Variants in KCNN3 observed in about 807,000 individuals in gnomAD.
KCNN3 encodes potassium calcium-activated channel subfamily N member 3.
Under a neutral mutation model 62.9 loss-of-function variants are expected in KCNN3, and 16 were observed. The observed-to-expected ratio is 0.25, with a 90% confidence interval of 0.17 to 0.39. The LOEUF (loss-of-function observed/expected upper bound fraction) is 0.39, where lower values mean the gene tolerates loss of function less well. Among genes scored for constraint, KCNN3 ranks in the 10% least tolerant of loss-of-function variants. The pLI is 1.00. For missense variants in KCNN3, 599 were observed against 949.4 expected (o/e 0.63, Z 4.85); for synonymous variants, 370 against 389.2 (o/e 0.95, Z 0.58).
Position 154,851,026 on chromosome 1 carries a change from G to A in KCNN3, c.933+18006C>T, listed in dbSNP as rs971548991. Among the ~76,000 whole-genome samples, 18 of 152,172 alleles carry A rather than the reference G, an allele frequency of 1.2e-4. 1 individual carries two copies. Among genetic ancestry groups the A allele is most frequent in the Middle Eastern group, 6.3e-3 (2 of 316 alleles). ...AGAGTCTCGCTCTGTCACCCAGGCT[G>A]GAGTGCAATGGCACTATCTCGGCTC... On this transcript the variant is annotated intron_variant, in intron 1 of 7. Transcript: ENST00000271915.
chr1:154,857,590 T>G (rs111877028), intron 1 of KCNN3, among the ~76,000 whole-genome samples: 1 of 152,152 alleles, frequency 6.6e-6, no homozygotes, highest in Non-Finnish European at 1.5e-5. Context: ...GAGCCCAGTC[T>G]AGGATCTGAT....
chr1:154,819,175 G>C (rs2101891803), intron 2 of KCNN3, among the ~76,000 whole-genome samples: 1 of 152,296 alleles, frequency 6.6e-6, no homozygotes, highest in Middle Eastern at 3.4e-3. Flanking sequence ...AGTCACACTT[G>C]GGATAACTCC....
intron 1 of KCNN3, among the ~76,000 whole-genome samples, chr1:154,838,066 G>A (rs1247996007): frequency 2.6e-5 from 4 of 152,194 alleles, no homozygotes. Context: ...ACCAGCTGCT[G>A]ACCACGGTGG....
chr1:154,798,059 T>G (rs1295255710), intron 2 of KCNN3, among the ~76,000 whole-genome samples: 1 of 152,284 alleles, frequency 6.6e-6, no homozygotes, highest in East Asian at 1.9e-4. Context: ...TTCAGCTCCA[T>G]GACTGCCATA....
At chr1:154,859,893 A>T (rs1410830476) in intron 1 of KCNN3, 4 of 1,441,860 alleles carry the variant, frequency 2.8e-6, no homozygotes, top group Non-Finnish European at 3.7e-6. Context: ...AATGCCCAAC[A>T]AGCTGACTCA....
intron 2 of KCNN3, among the ~76,000 whole-genome samples, chr1:154,796,522 T>G (rs1649740690): frequency 6.6e-6 from 1 of 152,134 alleles, no homozygotes; most frequent in Non-Finnish European, 1.5e-5. Flanking sequence ...CATTTTTTAT[T>G]GGGTAAAAAA....
intron 2 of KCNN3, among the ~76,000 whole-genome samples, chr1:154,784,616 C>T (rs1649197751): frequency 6.6e-6 from 1 of 152,200 alleles, no homozygotes; most frequent in South Asian, 2.1e-4. Context: ...AGAGCCAATC[C>T]CCAAATGGCA....
rs143311141 is a variant in KCNN3 at position 154,815,844 on chromosome 1, G to A, written c.1029+6245C>T. The stretch of plus-strand genomic sequence containing the variant: ...CACAGAGCAAGACGCAACGTGAGTT[G>A]TCCTGTCTGTTCTTTCAGGGGAAGA... On this transcript the variant is annotated intron_variant, in intron 2 of 7. Coordinates refer to ENST00000271915, the MANE Select transcript of KCNN3 (RefSeq NM_002249.6). Among the ~76,000 whole-genome samples, 243 of 152,272 alleles carry A rather than the reference G, an allele frequency of 1.6e-3. 1 individual carries two copies. The highest frequency in any genetic ancestry group is 5.5e-3 in the African/African-American group (230 of 41,560).
At chr1:154,721,023 G>C (rs1054948811) in intron 5 of KCNN3, among the ~76,000 whole-genome samples, 4 of 152,216 alleles carry the variant, frequency 2.6e-5, no homozygotes, top group Non-Finnish European at 4.4e-5. Context: ...CACCAGGGAA[G>C]TTAGGAGAAG....
chr1:154,738,532 A>C (rs2101799505), intron 3 of KCNN3, among the ~76,000 whole-genome samples: 2 of 152,340 alleles, frequency 1.3e-5, no homozygotes, highest in Middle Eastern at 6.8e-3. Flanking sequence ...GAAGTAAACC[A>C]AGGAGGAAGA....
intron 2 of KCNN3, among the ~76,000 whole-genome samples, chr1:154,808,065 C>CT (rs1258921074): frequency 1.3e-5 from 2 of 152,184 alleles, no homozygotes; most frequent in Non-Finnish European, 1.5e-5. Flanking sequence ...TTGATACAGA[C>CT]TATTGACATT....
intron 1 of KCNN3, among the ~76,000 whole-genome samples, chr1:154,836,437 A>G (rs141460809): frequency 2.0e-5 from 3 of 152,334 alleles, no homozygotes; most frequent in Non-Finnish European, 1.5e-5. Context: ...CTCGTTTTAC[A>G]GATGGAGAGA....
rs145001066 is a variant in KCNN3 at position 154,813,086 on chromosome 1, G to C, written c.1029+9003C>G. On this transcript the variant is annotated intron_variant, in intron 2 of 7. Coordinates refer to ENST00000271915, the MANE Select transcript of KCNN3 (RefSeq NM_002249.6). ...AACTGAGATTGAGCTAGAACAAGTA[G>C]CTTGTCCAAGCTCACAAGTGATCAG... Among the ~76,000 whole-genome samples, 16 of 152,310 alleles carry C rather than the reference G, an allele frequency of 1.1e-4. No individual in the cohort carries two copies. The South Asian group carries it at 2.1e-3, about 20-fold the overall frequency.
chr1:154,797,295 C>T (rs1261883095), intron 2 of KCNN3, among the ~76,000 whole-genome samples: 3 of 152,150 alleles, frequency 2.0e-5, no homozygotes, highest in Admixed American at 6.5e-5. Flanking sequence ...ACCTGGACTT[C>T]GGAGTCAGGC....
In KCNN3 at chr1:154,859,632, C is replaced by T. The variant is rs149167429; in HGVS notation, c.933+9400G>A. The T allele has an allele frequency of 7.7e-4, 1,176 of 1,528,076 alleles. 13 individuals are homozygous for T. In the African/African-American group the frequency reaches 0.014, roughly 18 times the overall value. The allele number at this position is 1,528,076 out of a possible 1,614,324, so 94.7% of individuals were successfully genotyped here. On this transcript the variant is annotated intron_variant, in intron 1 of 7. Transcript: ENST00000271915. Reference sequence around the variant, plus strand: ...GGTCAGCAAGGTTCAATGGCTCAAGCCAGGCAACAGGTCATCTGCTTCCTC... The same window carrying T: ...GGTCAGCAAGGTTCAATGGCTCAAGTCAGGCAACAGGTCATCTGCTTCCTC...
In KCNN3 at chr1:154,760,627, G is replaced by A. The variant is rs539038972; in HGVS notation, c.1448+11348C>T. Among the ~76,000 whole-genome samples the A allele has an allele frequency of 8.5e-5, 13 of 152,276 alleles. No individual in the cohort carries two copies. In the East Asian group the frequency reaches 2.5e-3, roughly 29 times the overall value. On this transcript the variant is annotated intron_variant, in intron 3 of 7. Transcript: ENST00000271915. ...GGCGGAGCGAGCCTCGGCCTCTCCCGGGCCCCGGCCTCTCCACGACCGCCT... is the reference window on the plus strand; with the variant it reads ...GGCGGAGCGAGCCTCGGCCTCTCCCAGGCCCCGGCCTCTCCACGACCGCCT...
chr1:154,824,254 G>A (rs554606861), intron 1 of KCNN3, among the ~76,000 whole-genome samples: 2 of 152,350 alleles, frequency 1.3e-5, no homozygotes, highest in East Asian at 3.9e-4. Flanking sequence ...ACATAAGCCA[G>A]TCTTCTTTTA....
chr1:154,729,503 A>G (rs905568625), intron 4 of KCNN3, among the ~76,000 whole-genome samples: 1 of 152,052 alleles, frequency 6.6e-6, no homozygotes, highest in African/African-American at 2.4e-5. Flanking sequence ...CAGTCCTCCC[A>G]CCTCTTGTTT....
At chr1:154,722,661 G>A (rs1700380290) in intron 5 of KCNN3, among the ~76,000 whole-genome samples, 1 of 151,996 alleles carries the variant, frequency 6.6e-6, no homozygotes, top group East Asian at 1.9e-4. Context: ...CAGAGTGCTG[G>A]CATTACAGGC....
Sources: gnomAD v4.1 joint callset for allele counts (sites outside exome capture counted in the v4.1 genomes callset) on GRCh38, gnomAD v4.1.1 for gene constraint, MANE v1.5 for transcripts, NCBI Gene and HGNC (gene_info 2026-07-23, HGNC 2026-07-21) for gene names.